CALN1: variants seen among roughly 807,000 people sequenced by gnomAD.
The protein encoded by CALN1 is calcium-binding protein 8.
Under a neutral mutation model 30.6 loss-of-function variants are expected in CALN1, and 17 were observed. The ratio of observed to expected loss-of-function variants is 0.56; its 90% CI spans 0.38 to 0.83. The LOEUF (loss-of-function observed/expected upper bound fraction) is 0.83. Ranked by LOEUF, CALN1 falls within the 40% of genes least tolerant of loss-of-function variation. The pLI, the probability that CALN1 is intolerant of heterozygous loss-of-function variation, is 0.00. For synonymous variants in CALN1, 156 were observed against 131.4 expected (o/e 1.19, Z -1.28); for missense variants, 291 against 354.9 (o/e 0.82, Z 1.45).
chr7:71,885,781 C>CT (rs1792867156), intron 5 of CALN1, among the ~76,000 whole-genome samples: 1 of 152,222 alleles, frequency 6.6e-6, no homozygotes, highest in Non-Finnish European at 1.5e-5. Context: ...CCAAATGTTT[C>CT]TGACTATTAT....
intron 4 of CALN1, among the ~76,000 whole-genome samples, chr7:72,027,785 C>T (rs1489875380): frequency 6.6e-6 from 1 of 150,988 alleles, no homozygotes; most frequent in Admixed American, 6.6e-5. Flanking sequence ...TGGCCGGGCG[C>T]GGTGGCTCAC....
chr7:71,800,048 G>A (rs1471418756), intron 6 of CALN1, among the ~76,000 whole-genome samples: 1 of 152,208 alleles, frequency 6.6e-6, no homozygotes, highest in Non-Finnish European at 1.5e-5. Context: ...GGGCATGAGA[G>A]AACCATTGTG....
intron 2 of CALN1, among the ~76,000 whole-genome samples, chr7:72,290,076 T>C (rs1382472232): frequency 1.4e-5 from 1 of 71,868 alleles, no homozygotes; most frequent in Non-Finnish European, 2.3e-5. Flanking sequence ...CGAGACCCTG[T>C]CTTAAAAAAA....
intron 4 of CALN1, among the ~76,000 whole-genome samples, chr7:72,104,432 A>G (rs1584949641): frequency 1.3e-5 from 2 of 152,214 alleles, no homozygotes; most frequent in East Asian, 3.9e-4. Context: ...GTCCATGTGC[A>G]GGATGTGCAG....
intron 2 of CALN1, among the ~76,000 whole-genome samples, chr7:72,331,632 C>T (rs1801684807): frequency 6.6e-6 from 1 of 152,162 alleles, no homozygotes; most frequent in African/African-American, 2.4e-5. Context: ...TTCTAATAGT[C>T]ACAGAATATC....
In CALN1 at chr7:71,780,860, G is replaced by A. The variant is rs1209128197; in HGVS notation, c.*6915C>T. The A allele has an allele frequency of 2.0e-5, 3 of 152,140 alleles. No individual in the cohort carries two copies. Among genetic ancestry groups the A allele is most frequent in the Non-Finnish European group, 4.4e-5 (3 of 68,024 alleles). The allele number at this position is 152,140 out of a possible 1,614,324, so 9.4% of individuals were successfully genotyped here. ...TCTGATTCACATGACCTTTGGGGAGGTGACTGACTCCCTTTATTTTCACAC... is the reference window on the plus strand; with the variant it reads ...TCTGATTCACATGACCTTTGGGGAGATGACTGACTCCCTTTATTTTCACAC... On this transcript the variant is annotated 3_prime_UTR_variant, in exon 7 of 7. Coordinates refer to ENST00000395275, the MANE Select transcript of CALN1 (RefSeq NM_031468.4).
chr7:72,372,572 A>C (rs762449739), intron 2 of CALN1, among the ~76,000 whole-genome samples: 3 of 152,204 alleles, frequency 2.0e-5, no homozygotes, highest in Non-Finnish European at 4.4e-5. Context: ...TTCAATCCTA[A>C]TCAATCTATA....
At chr7:72,336,019 T>C (rs909832496) in intron 2 of CALN1, among the ~76,000 whole-genome samples, 2 of 152,144 alleles carry the variant, frequency 1.3e-5, no homozygotes, top group Non-Finnish European at 2.9e-5. Flanking sequence ...CACCCCCACC[T>C]GGGCGCCAGA....
At chr7:72,472,259 A>G in the CALN1 span, among the ~76,000 whole-genome samples, 1 of 152,150 alleles carries the variant, frequency 6.6e-6, no homozygotes. Flanking sequence ...TGAGCCTGGC[A>G]TTTGCAAGGC....
At chr7:71,999,107 T>C (rs934448679) in intron 5 of CALN1, among the ~76,000 whole-genome samples, 1 of 152,178 alleles carries the variant, frequency 6.6e-6, no homozygotes. Context: ...TGACTTCAAA[T>C]TCAACAACAT....
In CALN1 at chr7:72,424,614, A is replaced by T. The variant is rs185323861; in HGVS notation, c.-225-12339T>A. 4.0e-4 allele frequency among the ~76,000 whole-genome samples: 60 copies of T among 151,652 alleles called. No homozygotes were observed. The East Asian group carries it at 9.9e-3, about 25-fold the overall frequency. On this transcript the variant is annotated intron_variant, in intron 1 of 6. Transcript: ENST00000395276. ...AATTTATTTTATTTTATTTTTTTTT[A>T]GAGAACGTGTCTCACTGTATCACCC...
intron 2 of CALN1, among the ~76,000 whole-genome samples, chr7:72,299,021 C>G (rs1233759759): frequency 6.6e-6 from 1 of 152,028 alleles, no homozygotes; most frequent in Non-Finnish European, 1.5e-5. Flanking sequence ...TGAAAATGAA[C>G]TAATACAATC....
intron 3 of CALN1, among the ~76,000 whole-genome samples, chr7:72,217,519 G>A (rs1472337024): frequency 1.3e-5 from 2 of 152,126 alleles, no homozygotes; most frequent in African/African-American, 2.4e-5. Flanking sequence ...GCAAAACAGA[G>A]TCAAAACTGA....
chr7:71,885,564 G>A (rs1224916082), intron 5 of CALN1, among the ~76,000 whole-genome samples: 3 of 152,368 alleles, frequency 2.0e-5, no homozygotes, highest in East Asian at 3.9e-4. Context: ...CCTCCTGAAA[G>A]CTGTGTTCAC....
intron 4 of CALN1, among the ~76,000 whole-genome samples, chr7:72,074,874 C>A (rs147251137): frequency 1.2e-4 from 19 of 152,154 alleles, no homozygotes; most frequent in African/African-American, 4.6e-4. Context: ...AAACATAAAT[C>A]GGAGTAGATC....
intron 1 of CALN1, among the ~76,000 whole-genome samples, chr7:72,406,113 A>G (rs1585679418): frequency 6.6e-6 from 1 of 152,172 alleles, no homozygotes; most frequent in Non-Finnish European, 1.5e-5. Flanking sequence ...AGAAACACAA[A>G]GCCAGGGGAC....
the CALN1 span, among the ~76,000 whole-genome samples, chr7:72,470,496 A>G: frequency 6.6e-6 from 1 of 152,194 alleles, no homozygotes; most frequent in Non-Finnish European, 1.5e-5. Flanking sequence ...CTACTCCAAG[A>G]GCAGAAATAT....
chr7:72,296,959 A>T (rs897093613), intron 2 of CALN1, among the ~76,000 whole-genome samples: 2 of 151,720 alleles, frequency 1.3e-5, no homozygotes, highest in Non-Finnish European at 2.9e-5. Context: ...TTAGGGTGTC[A>T]ATTTTGGATC....
At chr7:71,921,698 AAG>A (rs1794954810) in intron 5 of CALN1, among the ~76,000 whole-genome samples, 1 of 152,174 alleles carries the variant, frequency 6.6e-6, no homozygotes, top group African/African-American at 2.4e-5. Flanking sequence ...TTTAGTGTGG[AAG>A]AAATCTGAAT....
Sources: gnomAD v4.1 joint callset for allele counts (sites outside exome capture counted in the v4.1 genomes callset) on GRCh38, gnomAD v4.1.1 for gene constraint, MANE v1.5 for transcripts, NCBI Gene and HGNC (gene_info 2026-07-23, HGNC 2026-07-21) for gene names.